NAALADL2: variants seen among roughly 807,000 people sequenced by gnomAD.
The protein encoded by NAALADL2 is N-acetylated alpha-linked acidic dipeptidase like 2, also known as inactive N-acetylated-alpha-linked acidic dipeptidase-like protein 2.
Under a neutral mutation model 87.2 loss-of-function variants are expected in NAALADL2, and 76 were observed. That is an observed-to-expected ratio of 0.87 (90% confidence interval 0.72 to 1.05). NAALADL2 has a LOEUF of 1.05. NAALADL2 is among the 50% of genes least tolerant of loss of function. The pLI, the probability that NAALADL2 is intolerant of heterozygous loss-of-function variation, is 0.00. For synonymous variants in NAALADL2, 354 were observed against 331.0 expected (o/e 1.07, Z -0.75); for missense variants, 1,089 against 945.8 (o/e 1.15, Z -1.99).
intron 2 of NAALADL2, among the ~76,000 whole-genome samples, chr3:174,670,749 T>G (rs1726451985): frequency 6.6e-6 from 1 of 152,110 alleles, no homozygotes; most frequent in Admixed American, 6.6e-5. Context: ...TTTAAAGTCA[T>G]TTTGTCCCTT....
intron 11 of NAALADL2, among the ~76,000 whole-genome samples, chr3:175,669,180 A>G (rs1733604517): frequency 6.8e-6 from 1 of 147,324 alleles, no homozygotes; most frequent in Non-Finnish European, 1.5e-5. Flanking sequence ...AGCCCAAACA[A>G]AATAAGAGTT....
chr3:175,500,697 G>A (rs1435171641), intron 9 of NAALADL2, among the ~76,000 whole-genome samples: 1 of 151,992 alleles, frequency 6.6e-6, no homozygotes, highest in Admixed American at 6.6e-5. Flanking sequence ...ATTATGATAT[G>A]GGTGCTATTA....
At chr3:175,055,315 C>A (rs145209544) in intron 1 of NAALADL2, among the ~76,000 whole-genome samples, 12 of 152,310 alleles carry the variant, frequency 7.9e-5, no homozygotes, top group African/African-American at 2.9e-4. Context: ...TTGAATTTCC[C>A]CATTGTAATC....
chr3:175,376,398 A>G (rs1767130015), intron 5 of NAALADL2, among the ~76,000 whole-genome samples: 1 of 152,130 alleles, frequency 6.6e-6, no homozygotes, highest in Non-Finnish European at 1.5e-5. Context: ...TTTATAATAT[A>G]GAAGGCCTTT....
At chr3:174,698,375 T>C (rs563889391) in intron 2 of NAALADL2, among the ~76,000 whole-genome samples, 8 of 152,268 alleles carry the variant, frequency 5.3e-5, no homozygotes, top group Non-Finnish European at 7.4e-5. Flanking sequence ...TCTATGATTC[T>C]AGGTAGAGAG....
intron 1 of NAALADL2, among the ~76,000 whole-genome samples, chr3:174,457,548 G>A (rs112660622): frequency 1.1e-4 from 17 of 152,210 alleles, no homozygotes; most frequent in African/African-American, 2.9e-4. Flanking sequence ...GAGATCATCC[G>A]GGCACGGAGG....
chr3:174,913,174 T>C (rs1245054053), intron 1 of NAALADL2, among the ~76,000 whole-genome samples: 3 of 152,150 alleles, frequency 2.0e-5, no homozygotes, highest in Non-Finnish European at 4.4e-5. Context: ...GGTAGAACTT[T>C]CCCTATAAAT....
chr3:174,522,951 A>G (rs1308251598), intron 1 of NAALADL2, among the ~76,000 whole-genome samples: 20 of 147,882 alleles, frequency 1.4e-4, no homozygotes, highest in Admixed American at 3.4e-4. Flanking sequence ...AAAAAAAAAA[A>G]AAAAAAGAAA....
chr3:175,069,730 C>G (rs1315991546), intron 1 of NAALADL2, among the ~76,000 whole-genome samples: 1 of 151,866 alleles, frequency 6.6e-6, no homozygotes, highest in Non-Finnish European at 1.5e-5. Context: ...TATTGTGGCA[C>G]TATTCACAAT....
At chr3:174,458,232 A>G (rs912256752) in intron 1 of NAALADL2, among the ~76,000 whole-genome samples, 3 of 152,208 alleles carry the variant, frequency 2.0e-5, no homozygotes, top group South Asian at 2.1e-4. Context: ...GGGAAACTGC[A>G]TTATCCTACA....
chr3:175,426,552 G>T (rs189054602), intron 5 of NAALADL2, among the ~76,000 whole-genome samples: 269 of 152,098 alleles, frequency 1.8e-3, no homozygotes, highest in African/African-American at 6.2e-3. Context: ...TGTCTGCAAG[G>T]GTATGCACAG....
At position 175,416,263 on chromosome 3, in the gene NAALADL2, G is replaced by A. The variant is rs529843943; in HGVS notation, c.1091-30966G>A. On this transcript the variant is annotated intron_variant, in intron 5 of 13. Transcript: ENST00000454872. ...AACATTGAAACAAAAAACATTTAAT[G>A]CTCTATTGTAATATTTACAGTGTTG... is the stretch of plus-strand genomic sequence containing the variant. Among the ~76,000 whole-genome samples, 7 of 152,200 alleles carry A rather than the reference G, an allele frequency of 4.6e-5. No homozygotes were observed. In the South Asian group the frequency reaches 1.0e-3, roughly 23 times the overall value.
intron 1 of NAALADL2, among the ~76,000 whole-genome samples, chr3:174,951,911 C>G (rs1273001215): frequency 6.6e-6 from 1 of 152,044 alleles, no homozygotes; most frequent in Non-Finnish European, 1.5e-5. Flanking sequence ...TATATCAAAC[C>G]CTTTATTCCA....
At chr3:175,405,460 TA>T (rs1424355544) in intron 5 of NAALADL2, among the ~76,000 whole-genome samples, 2 of 152,180 alleles carry the variant, frequency 1.3e-5, no homozygotes, top group Non-Finnish European at 2.9e-5. Context: ...GAGATGAACT[TA>T]AGGTTTATAT....
chr3:175,310,904 G>A (rs563644195), intron 4 of NAALADL2, among the ~76,000 whole-genome samples: 1 of 151,662 alleles, frequency 6.6e-6, no homozygotes, highest in African/African-American at 2.4e-5. Flanking sequence ...TAATCTGTTT[G>A]GTTCAAAAGA....
At chr3:175,742,368 T>TAATG (rs111752551) in intron 12 of NAALADL2, among the ~76,000 whole-genome samples, 3,073 of 152,272 alleles carry the variant, frequency 0.02, 103 homozygotes, top group African/African-American at 0.069. Context: ...CGAATTTATA[T>TAATG]AATGTAAGTT....
chr3:174,717,336 C>T (rs1365545459), intron 2 of NAALADL2, among the ~76,000 whole-genome samples: 3 of 152,040 alleles, frequency 2.0e-5, no homozygotes, highest in Admixed American at 2.0e-4. Context: ...GGTTTTGATG[C>T]ACCAGAGACT....
chr3:175,097,382 A>G lies in NAALADL2; in HGVS notation c.545+91A>G, dbSNP rs373365189. On this transcript the variant is annotated intron_variant, in intron 2 of 13. Coordinates refer to ENST00000454872, the MANE Select transcript of NAALADL2 (RefSeq NM_207015.3). ...TTGAACTGATGATTTTTCATGGTTCACGTCAGTGTTGCAAGCTGAGAAACA... is the reference window on the plus strand; with the variant it reads ...TTGAACTGATGATTTTTCATGGTTCGCGTCAGTGTTGCAAGCTGAGAAACA... 240 of 1,205,488 alleles carry G rather than the reference A, an allele frequency of 2.0e-4. No individual in the cohort carries two copies. In the African/African-American group the frequency reaches 3.3e-3, roughly 16 times the overall value. The allele number at this position is 1,205,488 out of a possible 1,614,324, so 74.7% of individuals were successfully genotyped here. A position where few individuals can be genotyped will look rare whatever the true frequency, so the allele number is the denominator to read the frequency against.
chr3:174,924,101 G>T (rs935367567), intron 1 of NAALADL2, among the ~76,000 whole-genome samples: 2 of 151,982 alleles, frequency 1.3e-5, no homozygotes, highest in Non-Finnish European at 2.9e-5. Flanking sequence ...TAGGGTACAT[G>T]TACACAACAT....
Sources: allele counts gnomAD v4.1 joint callset (sites outside exome capture counted in the v4.1 genomes callset), GRCh38; gene constraint gnomAD v4.1.1; transcripts MANE v1.5; gene names NCBI Gene and HGNC (gene_info 2026-07-23, HGNC 2026-07-21).